Variants in CSGALNACT2 observed in about 807,000 individuals in gnomAD.
CSGALNACT2 encodes beta 4 GalNAcT-2.
A neutral mutation model predicts 55.3 loss-of-function variants in CSGALNACT2; 35 were observed. That is an observed-to-expected ratio of 0.63 (90% CI 0.48 to 0.84). CSGALNACT2 has a LOEUF of 0.84. CSGALNACT2 is among the 40% of genes least tolerant of loss of function. The pLI, the probability that CSGALNACT2 is intolerant of heterozygous loss-of-function variation, is 0.00. For synonymous variants in CSGALNACT2, 196 were observed against 224.9 expected (o/e 0.87, Z 1.15); for missense variants, 544 against 657.5 (o/e 0.83, Z 1.89).
intron 1 of CSGALNACT2, among the ~76,000 whole-genome samples, chr10:43,147,915 G>A (rs182394209): frequency 2.6e-5 from 4 of 151,442 alleles, no homozygotes; most frequent in Non-Finnish European, 4.4e-5. Context: ...TTTTGATGAG[G>A]TCCAGTTAAT....
intron 6 of CSGALNACT2, among the ~76,000 whole-genome samples, chr10:43,170,174 C>T (rs900863994): frequency 1.3e-5 from 2 of 152,108 alleles, no homozygotes; most frequent in Non-Finnish European, 2.9e-5. Context: ...AAGATGTCAG[C>T]GGGTTATGTA....
intron 3 of CSGALNACT2, among the ~76,000 whole-genome samples, 179 bp downstream of exon 3, chr10:43,159,110 T>C (rs2435340): frequency 0.24 from 36,187 of 152,042 alleles, 4,511 homozygotes; most frequent in Non-Finnish European, 0.28. Flanking sequence ...TATTGTGTTA[T>C]AGACAATTTG....
At chr10:43,168,927 A>G (rs904594864) in intron 6 of CSGALNACT2, among the ~76,000 whole-genome samples, 2 of 152,250 alleles carry the variant, frequency 1.3e-5, no homozygotes, top group African/African-American at 4.8e-5. Flanking sequence ...AGGAGAGAAC[A>G]GACTAGAATG....
chr10:43,164,234 T>C (rs1331928494), intron 5 of CSGALNACT2, among the ~76,000 whole-genome samples, 190 bp downstream of exon 5: 2 of 152,226 alleles, frequency 1.3e-5, no homozygotes, highest in Non-Finnish European at 1.5e-5. Flanking sequence ...GAAATTCATA[T>C]CCTTTGTTCT....
chr10:43,152,855 C>G (rs1838906672), intron 1 of CSGALNACT2, among the ~76,000 whole-genome samples: 1 of 152,088 alleles, frequency 6.6e-6, no homozygotes, highest in South Asian at 2.1e-4. Flanking sequence ...ATAGTTAAAA[C>G]AGATACCGCT....
At position 43,155,720 on chromosome 10, in the gene CSGALNACT2, A is replaced by T. The variant is rs774294643; in HGVS notation, c.571A>T (p.Ile191Phe). ...VEVIEAGLEV[I>F]NNPDEDDEQE... ...AGTTATTGAAGCGGGCTTGGAGGTC[A>T]TTAATAATCCTGATGAAGATGATGA... is the stretch of plus-strand genomic sequence containing the variant. The change falls in exon 2 of 8, where the codon ATT becomes TTT. Residue 191 changes from isoleucine to phenylalanine, a missense_variant. This residue lies in a region of CSGALNACT2 where 374 missense variants were observed against 401.3 expected (regional missense o/e 0.93). Transcript: ENST00000374466. The T allele has an allele frequency of 1.2e-6, 2 of 1,614,082 alleles. No individual in the cohort carries two copies. The highest frequency in any genetic ancestry group is 2.7e-5 in the African/African-American group (2 of 74,946).
At position 43,184,146 on chromosome 10, in the gene CSGALNACT2, G is replaced by GC. The variant is rs1463442925; in HGVS notation, c.*605dup. On this transcript the variant is annotated 3_prime_UTR_variant, in exon 8 of 8. Transcript: ENST00000374466. Reference sequence around the variant, plus strand: ...TACACCCCTGAAAGTCTGTTTTTAAGCAAATGGGTAATAGTAGAAAATAGG... The same window carrying GC: ...TACACCCCTGAAAGTCTGTTTTTAAGCCAAATGGGTAATAGTAGAAAATAGG... 4 of 152,552 alleles carry GC rather than the reference G, an allele frequency of 2.6e-5. No homozygotes were observed. Among genetic ancestry groups the GC allele is most frequent in the Non-Finnish European group, 5.9e-5 (4 of 68,290 alleles). 9.4% of individuals were successfully genotyped at this position (152,552 alleles called of 1,614,324 possible). A position where few individuals can be genotyped will look rare whatever the true frequency, so the allele number is the denominator to read the frequency against.
intron 1 of CSGALNACT2, among the ~76,000 whole-genome samples, chr10:43,141,082 T>C (rs892911895): frequency 3.3e-5 from 5 of 152,022 alleles, no homozygotes; most frequent in South Asian, 2.1e-4. Context: ...TATTTAAACA[T>C]GGAAAGTAGG....
chr10:43,166,530 G>A (rs1356228130), intron 5 of CSGALNACT2, among the ~76,000 whole-genome samples: 4 of 152,082 alleles, frequency 2.6e-5, no homozygotes, highest in Admixed American at 2.0e-4. Flanking sequence ...CCAGATTTTG[G>A]TTCAGATTTA....
chr10:43,167,854 ATT>A (rs1277564953), intron 6 of CSGALNACT2, among the ~76,000 whole-genome samples: 28 of 152,248 alleles, frequency 1.8e-4, no homozygotes, highest in Admixed American at 1.2e-3. Context: ...AGTAGAAATG[ATT>A]AAGAAGTCAC....
chr10:43,166,267 A>G (rs1271255036), intron 5 of CSGALNACT2, among the ~76,000 whole-genome samples: 1 of 152,244 alleles, frequency 6.6e-6, no homozygotes, highest in Non-Finnish European at 1.5e-5. Context: ...GAACAAAGGT[A>G]GAATGAGCAT....
chr10:43,165,788 GA>G (rs1564517192), intron 5 of CSGALNACT2, among the ~76,000 whole-genome samples: 1 of 152,066 alleles, frequency 6.6e-6, no homozygotes, highest in African/African-American at 2.4e-5. Flanking sequence ...TCGGGAGTTC[GA>G]TACCAGCCTG....
rs201378409 is a variant in CSGALNACT2, at chr10:43,155,289, T to G, written c.140T>G (p.Val47Gly). The change falls in exon 2 of 8, where the codon GTT (valine) becomes GGT (glycine). Residue 47 changes from valine to glycine, a missense_variant. Val to Gly is a moderately radical substitution (Grantham distance 109, BLOSUM62 -3). Around this residue, in one of 2 missense-constraint regions of CSGALNACT2, gnomAD observed 374 missense variants for 401.3 expected, o/e 0.93. Coordinates refer to ENST00000374466, the MANE Select transcript of CSGALNACT2 (RefSeq NM_018590.5). The stretch of plus-strand genomic sequence containing the variant: ...GATGGAAATGCATCTCTTCCTGGTG[T>G]TGTTGGGGAAAATTATGGTAAAGAG... ...QTDGNASLPG[V>G]VGENYGKEYY... 25 of 1,614,174 alleles carry G rather than the reference T, an allele frequency of 1.5e-5. No homozygotes were observed. In the East Asian group the frequency reaches 3.3e-4, roughly 22 times the overall value.
At chr10:43,152,297 A>G (rs1046600242) in intron 1 of CSGALNACT2, among the ~76,000 whole-genome samples, 21 of 152,208 alleles carry the variant, frequency 1.4e-4, no homozygotes, top group African/African-American at 4.6e-4. Flanking sequence ...TATTCTTAAT[A>G]TATTTATATG....
At chr10:43,168,713 T>G (rs891675058) in intron 6 of CSGALNACT2, among the ~76,000 whole-genome samples, 2 of 150,012 alleles carry the variant, frequency 1.3e-5, no homozygotes, top group African/African-American at 5.0e-5. Flanking sequence ...CACACACGCC[T>G]CTACCTTATC....
intron 6 of CSGALNACT2, among the ~76,000 whole-genome samples, chr10:43,172,542 G>T (rs1839402618): frequency 6.6e-6 from 1 of 152,186 alleles, no homozygotes; most frequent in Admixed American, 6.5e-5. Context: ...ACTGGCCTGA[G>T]TAGGCCCAGG....
chr10:43,162,246 G>T (rs1311676585), intron 4 of CSGALNACT2: 1 of 530,270 alleles, frequency 1.9e-6, no homozygotes, highest in Non-Finnish European at 3.7e-6. Flanking sequence ...GGCGGCTCTG[G>T]GCTCACATCT....
rs568395153 is a variant in CSGALNACT2 at position 43,182,880 on chromosome 10, A to C, written c.1337-370A>C. Among the ~76,000 whole-genome samples, 14 of 41,120 alleles carry C rather than the reference A, an allele frequency of 3.4e-4. No individual in the cohort carries two copies. In the South Asian group the frequency reaches 7.1e-3, roughly 21 times the overall value. The allele number at this position is 41,120 out of a possible 152,430, so 27.0% of individuals were successfully genotyped here. On this transcript the variant is annotated intron_variant, in intron 7 of 7. Coordinates refer to ENST00000374466, the MANE Select transcript of CSGALNACT2 (RefSeq NM_018590.5). ...ACAGAGTGAGACCCTGTCTCAAAAA[A>C]AAAAACAAAAAAAAAAAGAAAACAT...
intron 1 of CSGALNACT2, among the ~76,000 whole-genome samples, chr10:43,150,903 C>G (rs1488354095): frequency 6.6e-6 from 1 of 152,000 alleles, no homozygotes; most frequent in Non-Finnish European, 1.5e-5. Context: ...ATTCTTTTTT[C>G]TTTCTGTATG....
Sources: gnomAD v4.1 joint callset for allele counts (sites outside exome capture counted in the v4.1 genomes callset) on GRCh38, gnomAD v4.1.1 for gene constraint, gnomAD v4.1.1 regional missense constraint, MANE v1.5 for transcripts, NCBI Gene and HGNC (gene_info 2026-07-23, HGNC 2026-07-21) for gene names.